The following CCDC171 variants were observed in gnomAD, a reference collection of about 807,000 sequenced individuals.
CCDC171 encodes the protein coiled-coil domain containing 171.
Under a neutral mutation model 168.2 loss-of-function variants are expected in CCDC171, and 177 were observed. The observed-to-expected ratio is 1.05, with a 90% CI of 0.93 to 1.19. The LOEUF (loss-of-function observed/expected upper bound fraction) is 1.19. Ranked by LOEUF, CCDC171 falls within the 50% of genes most tolerant of loss-of-function variation. The pLI, the probability that CCDC171 is intolerant of heterozygous loss-of-function variation, is 0.00. For missense variants in CCDC171, 1,991 were observed against 1,539.0 expected, an observed-to-expected ratio of 1.29 and a Z score of -4.91; for synonymous variants, 687 against 540.8, an observed-to-expected ratio of 1.27 and a Z score of -3.75.
At chr9:15,604,566 T>G (rs1019867354) in intron 6 of CCDC171, among the ~76,000 whole-genome samples, 3 of 152,186 alleles carry the variant, frequency 2.0e-5, no homozygotes, top group Non-Finnish European at 4.4e-5. Context: ...ATGTGTCTAG[T>G]GATTGAAGCA....
intron 11 of CCDC171, among the ~76,000 whole-genome samples, chr9:15,712,401 A>C (rs1412382503): frequency 6.6e-6 from 1 of 152,190 alleles, no homozygotes; most frequent in Admixed American, 6.5e-5. Context: ...TATTAAGTGG[A>C]ATCATACAGT....
At chr9:15,688,061 G>A (rs1347119855) in intron 10 of CCDC171, among the ~76,000 whole-genome samples, 1 of 147,332 alleles carries the variant, frequency 6.8e-6, no homozygotes, top group Non-Finnish European at 1.5e-5. Context: ...GGAGGTTGTG[G>A]TGAGCTGAGA....
At chr9:15,725,716 C>T (rs995266566) in intron 14 of CCDC171, among the ~76,000 whole-genome samples, 1 of 152,148 alleles carries the variant, frequency 6.6e-6, no homozygotes, top group South Asian at 2.1e-4. Flanking sequence ...TCCTAAAGTA[C>T]TGGGATTACA....
chr9:16,067,925 A>C, the CCDC171 span, among the ~76,000 whole-genome samples: 17 of 152,286 alleles, frequency 1.1e-4, no homozygotes, highest in African/African-American at 3.4e-4. Flanking sequence ...CTTCTGGCTT[A>C]GGATTGACAT....
chr9:15,709,189 G>T (rs1215470753), intron 11 of CCDC171, among the ~76,000 whole-genome samples: 2 of 152,060 alleles, frequency 1.3e-5, no homozygotes, highest in Non-Finnish European at 2.9e-5. Context: ...GGCTGAAATA[G>T]AAAAAGGTTA....
At chr9:15,588,128 G>T (rs770500806) in intron 4 of CCDC171, among the ~76,000 whole-genome samples, 1 of 152,042 alleles carries the variant, frequency 6.6e-6, no homozygotes, top group Non-Finnish European at 1.5e-5. Context: ...CCAGCTACTC[G>T]GGAGGCTGAG....
chr9:15,704,227 C>G (rs1327540042), intron 11 of CCDC171, among the ~76,000 whole-genome samples: 2 of 152,100 alleles, frequency 1.3e-5, no homozygotes, highest in Admixed American at 6.5e-5. Flanking sequence ...GAATTTGTAA[C>G]AAAATTAATT....
At chr9:15,900,767 G>A (rs750744646) in intron 24 of CCDC171, among the ~76,000 whole-genome samples, 1 of 152,142 alleles carries the variant, frequency 6.6e-6, no homozygotes, top group Non-Finnish European at 1.5e-5. Flanking sequence ...TGAATAGATA[G>A]ACTGTCTTCT....
chr9:15,649,824 T>G (rs2047360397), intron 7 of CCDC171, among the ~76,000 whole-genome samples: 1 of 152,208 alleles, frequency 6.6e-6, no homozygotes, highest in African/African-American at 2.4e-5. Flanking sequence ...ATTTAACCAT[T>G]GTGGAAGACA....
At chr9:15,756,182 A>G (rs1041369565) in intron 18 of CCDC171, among the ~76,000 whole-genome samples, 10 of 152,164 alleles carry the variant, frequency 6.6e-5, no homozygotes, top group African/African-American at 2.4e-4. Context: ...CAAACTCAAC[A>G]TAGAGAGGAT....
chr9:15,913,750 G>T (rs1192517699), intron 24 of CCDC171, among the ~76,000 whole-genome samples: 1 of 152,132 alleles, frequency 6.6e-6, no homozygotes, highest in South Asian at 2.1e-4. Context: ...CAGCCTTTTT[G>T]AGCTGGTTTT....
chr9:15,966,156 C>T (rs938152386), intron 25 of CCDC171, among the ~76,000 whole-genome samples: 1 of 152,068 alleles, frequency 6.6e-6, no homozygotes, highest in Non-Finnish European at 1.5e-5. Flanking sequence ...AATAAATGCT[C>T]ATGAAGGAAT....
At chr9:16,094,011 C>T in the CCDC171 span, among the ~76,000 whole-genome samples, 1 of 152,176 alleles carries the variant, frequency 6.6e-6, no homozygotes, top group African/African-American at 2.4e-5. Context: ...CCAAACTGGG[C>T]CAATGGATTC....
At chr9:15,803,283 T>C (rs2058915618) in intron 21 of CCDC171, among the ~76,000 whole-genome samples, 1 of 152,214 alleles carries the variant, frequency 6.6e-6, no homozygotes, top group East Asian at 1.9e-4. Flanking sequence ...TTTGTTAATT[T>C]TGCTTTTGTT....
At chr9:15,780,280 T>C (rs1287418416) in intron 20 of CCDC171, among the ~76,000 whole-genome samples, 2 of 152,186 alleles carry the variant, frequency 1.3e-5, no homozygotes, top group African/African-American at 4.8e-5. Flanking sequence ...TTCTCTTAGT[T>C]TTTTGCTCAG....
chr9:15,689,889 A>G (rs2050668478), intron 10 of CCDC171, among the ~76,000 whole-genome samples: 1 of 152,176 alleles, frequency 6.6e-6, no homozygotes, highest in South Asian at 2.1e-4. Context: ...ATCTAGAAAA[A>G]AATCCTTCAT....
chr9:15,663,183 G>C (rs1263308056), intron 8 of CCDC171, among the ~76,000 whole-genome samples: 1 of 152,144 alleles, frequency 6.6e-6, no homozygotes. Context: ...GATTCAGCCT[G>C]AGTTTTGTTG....
chr9:15,957,400 G>A (rs560065162), intron 25 of CCDC171, among the ~76,000 whole-genome samples: 2 of 152,122 alleles, frequency 1.3e-5, no homozygotes, highest in Non-Finnish European at 2.9e-5. Flanking sequence ...AACACAGTTA[G>A]GAAGCTGAAA....
chr9:15,626,083 A>G (rs1048573296), intron 7 of CCDC171, among the ~76,000 whole-genome samples: 3 of 152,128 alleles, frequency 2.0e-5, no homozygotes, highest in Non-Finnish European at 2.9e-5. Flanking sequence ...TGTAGCAATC[A>G]TGATTGGGAG....
Sources: gnomAD v4.1 joint callset for allele counts (sites outside exome capture counted in the v4.1 genomes callset) on GRCh38, gnomAD v4.1.1 for gene constraint, MANE v1.5 for transcripts, NCBI Gene and HGNC (gene_info 2026-07-23, HGNC 2026-07-21) for gene names.